ERBB4: variants seen among roughly 807,000 people sequenced by gnomAD.
The protein encoded by ERBB4 is receptor tyrosine-protein kinase erbB-4.
In ERBB4, 42 loss-of-function variants were observed where a neutral mutation model predicts 158.0. The observed-to-expected ratio is 0.27, with a 90% confidence interval of 0.21 to 0.34. The LOEUF is 0.34. Among genes scored for constraint, ERBB4 ranks in the 10% least tolerant of loss-of-function variants. The pLI is 1.00. For synonymous variants in ERBB4, 583 were observed against 558.7 expected (o/e 1.04, Z -0.61); for missense variants, 1,333 against 1,624.1 (o/e 0.82, Z 3.08).
At chr2:211,573,727 G>T (rs1455471069) in intron 19 of ERBB4, among the ~76,000 whole-genome samples, 1 of 151,798 alleles carries the variant, frequency 6.6e-6, no homozygotes, top group Non-Finnish European at 1.5e-5. Flanking sequence ...TGTTTCAGAA[G>T]CTACAGGAAA....
chr2:211,648,502 A>C (rs2070863956), intron 16 of ERBB4, among the ~76,000 whole-genome samples: 1 of 151,812 alleles, frequency 6.6e-6, no homozygotes, highest in African/African-American at 2.4e-5. Context: ...GACATGTAGT[A>C]AATACAATGA....
intron 1 of ERBB4, among the ~76,000 whole-genome samples, chr2:212,287,679 T>G (rs1379968447): frequency 1.3e-5 from 2 of 152,088 alleles, no homozygotes; most frequent in African/African-American, 2.4e-5. Flanking sequence ...AAAAAATAAC[T>G]GCTTTGAACC....
intron 1 of ERBB4, among the ~76,000 whole-genome samples, chr2:212,313,595 T>G (rs1278843889): frequency 6.6e-6 from 1 of 150,950 alleles, no homozygotes; most frequent in Non-Finnish European, 1.5e-5. Context: ...TAGATGTAAT[T>G]CAATGCTATG....
At chr2:212,485,193 C>G (rs1285382084) in intron 1 of ERBB4, among the ~76,000 whole-genome samples, 1 of 151,982 alleles carries the variant, frequency 6.6e-6, no homozygotes, top group Non-Finnish European at 1.5e-5. Flanking sequence ...AGGAAATACC[C>G]TATTTTCTAT....
At chr2:211,636,115 TTA>T (rs1491267845) in intron 16 of ERBB4, among the ~76,000 whole-genome samples, 3 of 151,522 alleles carry the variant, frequency 2.0e-5, no homozygotes, top group East Asian at 3.9e-4. Flanking sequence ...GTGTGTTTTT[TTA>T]AAAAAAAAGT....
chr2:211,897,778 C>T (rs1448146656), intron 3 of ERBB4, among the ~76,000 whole-genome samples: 1 of 152,030 alleles, frequency 6.6e-6, no homozygotes. Flanking sequence ...GGGTGTCATT[C>T]TGTCACCTAG....
At chr2:211,725,265 G>T in intron 5 of ERBB4, 71 bp from the exon 6 acceptor site, 2 of 1,136,150 alleles carry the variant, frequency 1.8e-6, no homozygotes, top group Non-Finnish European at 2.7e-6. Context: ...GAGTTCTGGA[G>T]TGACAATTTC....
intron 3 of ERBB4, among the ~76,000 whole-genome samples, chr2:211,804,280 C>T (rs1244498064): frequency 6.6e-6 from 1 of 152,130 alleles, no homozygotes; most frequent in Non-Finnish European, 1.5e-5. Context: ...AGCAAATGTA[C>T]AAAAAGGTTG....
intron 20 of ERBB4, among the ~76,000 whole-genome samples, chr2:211,436,897 G>A (rs2063867263): frequency 6.6e-6 from 1 of 152,104 alleles, no homozygotes; most frequent in South Asian, 2.1e-4. Flanking sequence ...ATACATCACC[G>A]ACTCAAGAAT....
chr2:212,015,042 AT>A (rs374003389), intron 2 of ERBB4, among the ~76,000 whole-genome samples: 4,373 of 11,494 alleles, frequency 0.38, 1,589 homozygotes, highest in Middle Eastern at 0.71. Context: ...AAAAAAAAAA[AT>A]ATATATATAT....
chr2:212,246,315 T>C (rs981037357), intron 1 of ERBB4, among the ~76,000 whole-genome samples: 3 of 152,234 alleles, frequency 2.0e-5, no homozygotes, highest in African/African-American at 7.2e-5. Flanking sequence ...TTTAAGCAGC[T>C]TGAATACGGC....
chr2:211,823,899 G>T (rs2077044048), intron 3 of ERBB4, among the ~76,000 whole-genome samples: 1 of 152,014 alleles, frequency 6.6e-6, no homozygotes, highest in African/African-American at 2.4e-5. Context: ...AAGAGAAGTA[G>T]AAATGGGAGA....
intron 19 of ERBB4, among the ~76,000 whole-genome samples, chr2:211,616,572 C>T (rs1401753125): frequency 6.6e-6 from 1 of 152,120 alleles, no homozygotes; most frequent in East Asian, 1.9e-4. Flanking sequence ...ATGATCTACA[C>T]ACATAACCAA....
intron 1 of ERBB4, among the ~76,000 whole-genome samples, chr2:212,474,243 A>G (rs986482714): frequency 3.0e-4 from 46 of 152,076 alleles, no homozygotes; most frequent in African/African-American, 1.1e-3. Context: ...TGATGTCACA[A>G]ATATGGTACT....
intron 1 of ERBB4, among the ~76,000 whole-genome samples, chr2:212,425,323 GATAA>G (rs1479500909): frequency 1.7e-5 from 2 of 117,406 alleles, no homozygotes; most frequent in Non-Finnish European, 1.6e-5. Context: ...ATATGTGTTG[GATAA>G]ATATATAAGG....
chr2:212,348,124 A>C (rs937140368), intron 1 of ERBB4, among the ~76,000 whole-genome samples: 1 of 152,254 alleles, frequency 6.6e-6, no homozygotes, highest in Admixed American at 6.5e-5. Context: ...TTCCTCCAAA[A>C]ATGTCACAGG....
rs1325056047 is a variant in ERBB4 at position 211,381,416 on chromosome 2, T to A, written c.*2199A>T. 3.9e-5 allele frequency: 9 copies of A among 232,026 alleles called. No individual in the cohort carries two copies. The East Asian group carries it at 5.5e-4, about 14-fold the overall frequency. The allele number at this position is 232,026 out of a possible 1,614,324, so 14.4% of individuals were successfully genotyped here. On this transcript the variant is annotated 3_prime_UTR_variant, in exon 28 of 28. Coordinates refer to ENST00000342788, the MANE Select transcript of ERBB4 (RefSeq NM_005235.3). ...TTATCCTGTTTGTCAACATCAACAA[T>A]TTGAAGGATGTTTAACTTATATCCC...
At chr2:211,586,829 A>G (rs911507789) in intron 19 of ERBB4, among the ~76,000 whole-genome samples, 2 of 152,182 alleles carry the variant, frequency 1.3e-5, no homozygotes, top group African/African-American at 4.8e-5. Flanking sequence ...ACCCAGATTG[A>G]TAAGAAATAT....
rs562987769 is a variant in ERBB4, at chr2:211,535,214, T to C, written c.2487+26689A>G. 5.0e-4 allele frequency among the ~76,000 whole-genome samples: 76 copies of C among 152,158 alleles called. 1 individual carries two copies. The South Asian group carries it at 0.015, about 31-fold the overall frequency. ...GATGTGGAGAAAAAATGAAATTTAT[T>C]CTAAGAACATAACTATATTGTTAAA... is the stretch of plus-strand genomic sequence containing the variant. On this transcript the variant is annotated intron_variant, in intron 20 of 27. Transcript: ENST00000342788.
Sources: gnomAD v4.1 joint callset for allele counts (sites outside exome capture counted in the v4.1 genomes callset) on GRCh38, gnomAD v4.1.1 for gene constraint, MANE v1.5 for transcripts, NCBI Gene and HGNC (gene_info 2026-07-23, HGNC 2026-07-21) for gene names.